FLT1: variants seen among roughly 807,000 people sequenced by gnomAD.
The protein encoded by FLT1 is vascular endothelial growth factor receptor 1.
A neutral mutation model predicts 156.3 loss-of-function variants in FLT1; 49 were observed. That is an observed-to-expected ratio of 0.31 (90% CI 0.25 to 0.40). The LOEUF (loss-of-function observed/expected upper bound fraction) is 0.40. FLT1 is among the 10% of genes least tolerant of loss of function. The pLI, the probability that FLT1 is intolerant of heterozygous loss-of-function variation, is 1.00. For missense variants in FLT1, 1,322 were observed against 1,637.2 expected (o/e 0.81, Z 3.32); for synonymous variants, 594 against 583.8 (o/e 1.02, Z -0.25).
At chr13:28,381,284 C>A (rs183919266) in intron 14 of FLT1, among the ~76,000 whole-genome samples, 4 of 152,270 alleles carry the variant, frequency 2.6e-5, no homozygotes, top group Admixed American at 2.6e-4. Context: ...TGGCCCTGTG[C>A]GGTGGGTCAC....
intron 13 of FLT1, chr13:28,388,558 A>T: frequency 9.5e-7 from 1 of 1,050,702 alleles, no homozygotes; most frequent in Non-Finnish European, 1.1e-6. Flanking sequence ...ATTTTCCCTC[A>T]AACGCAAGCT....
chr13:28,353,789 G>A (rs534280932), intron 15 of FLT1, among the ~76,000 whole-genome samples: 4 of 152,158 alleles, frequency 2.6e-5, no homozygotes, highest in South Asian at 2.1e-4. Flanking sequence ...ATGTGCCCTC[G>A]TGCTGGCACT....
intron 3 of FLT1, among the ~76,000 whole-genome samples, chr13:28,449,504 A>G (rs1878802473): frequency 6.6e-6 from 1 of 152,192 alleles, no homozygotes; most frequent in African/African-American, 2.4e-5. Context: ...AACTGTCGCC[A>G]CTATTGGTGG....
At chr13:28,317,405 G>A (rs1871252038) in intron 25 of FLT1, 93 bp downstream of exon 25, 9 of 847,718 alleles carry the variant, frequency 1.1e-5, no homozygotes, top group East Asian at 9.7e-5. Flanking sequence ...TTCCAAGACT[G>A]GGACTCTAAG....
intron 3 of FLT1, among the ~76,000 whole-genome samples, chr13:28,443,763 A>ACT (rs1878459634): frequency 1.3e-5 from 2 of 152,248 alleles, no homozygotes; most frequent in African/African-American, 4.8e-5. Context: ...AGGAGAATGT[A>ACT]CTGATTGGTA....
chr13:28,436,816 T>C (rs1374428094), intron 4 of FLT1, among the ~76,000 whole-genome samples: 1 of 152,206 alleles, frequency 6.6e-6, no homozygotes, highest in Non-Finnish European at 1.5e-5. Context: ...TTTCCATATA[T>C]CACCTGACTT....
chr13:28,416,891 T>C (rs900979956), intron 10 of FLT1, among the ~76,000 whole-genome samples: 1 of 152,198 alleles, frequency 6.6e-6, no homozygotes, highest in African/African-American at 2.4e-5. Context: ...ACAAGGCAAA[T>C]GGAACATTAA....
chr13:28,469,495 G>C (rs962595853), intron 1 of FLT1, among the ~76,000 whole-genome samples: 2 of 152,136 alleles, frequency 1.3e-5, no homozygotes, highest in African/African-American at 4.8e-5. Context: ...TGCTCCTCAG[G>C]CTCCTCGTGA....
chr13:28,370,806 A>G (rs1431509304), intron 14 of FLT1, among the ~76,000 whole-genome samples: 1 of 152,242 alleles, frequency 6.6e-6, no homozygotes, highest in Non-Finnish European at 1.5e-5. Flanking sequence ...TGCTATGTTC[A>G]GATTGGCCAT....
At chr13:28,393,236 C>T (rs567477050) in intron 12 of FLT1, among the ~76,000 whole-genome samples, 15 of 152,140 alleles carry the variant, frequency 9.9e-5, no homozygotes, top group East Asian at 9.7e-4. Context: ...CAGGGTTAGA[C>T]GAAAGTGTCA....
Position 28,494,855 on chromosome 13 carries a change from C to G in FLT1, c.-12G>C. 5 of 1,542,468 alleles carry G rather than the reference C, an allele frequency of 3.2e-6. No homozygotes were observed. Among genetic ancestry groups the G allele is most frequent in the Non-Finnish European group, 4.3e-6 (5 of 1,150,498 alleles). ...CAGTAGCTGACCATGGTGAGCGCGA[C>G]GCGGCCTGCTCGCCCGGTGCCCGCG... On this transcript the variant is annotated 5_prime_UTR_variant, in exon 1 of 30. Transcript: ENST00000282397.
At chr13:28,437,189 A>T (rs1442605071) in intron 4 of FLT1, among the ~76,000 whole-genome samples, 1 of 152,078 alleles carries the variant, frequency 6.6e-6, no homozygotes, top group Non-Finnish European at 1.5e-5. Context: ...ATGACTTTCT[A>T]TTTCCTGGCG....
chr13:28,332,701 T>C (rs1871977905), intron 18 of FLT1, among the ~76,000 whole-genome samples: 1 of 152,204 alleles, frequency 6.6e-6, no homozygotes, highest in African/African-American at 2.4e-5. Context: ...GCAGAGGCTA[T>C]TTAACCTTTC....
At chr13:28,400,183 TC>T in intron 11 of FLT1, among the ~76,000 whole-genome samples, 2 of 152,344 alleles carry the variant, frequency 1.3e-5, no homozygotes, top group Middle Eastern at 6.8e-3. Context: ...ATTGAATTTT[TC>T]CTTGAGAATA....
chr13:28,438,612 G>A (rs1038345621), intron 3 of FLT1, among the ~76,000 whole-genome samples: 1 of 152,178 alleles, frequency 6.6e-6, no homozygotes, highest in African/African-American at 2.4e-5. Context: ...ATGTGGTATG[G>A]GGGGACCACT....
At chr13:28,479,541 C>T (rs1038261064) in intron 1 of FLT1, among the ~76,000 whole-genome samples, 1 of 152,108 alleles carries the variant, frequency 6.6e-6, no homozygotes, top group Admixed American at 6.5e-5. Flanking sequence ...AGATGGAATT[C>T]ATGTTATACA....
intron 1 of FLT1, among the ~76,000 whole-genome samples, chr13:28,492,354 A>C (rs1431160504): frequency 6.6e-6 from 1 of 152,228 alleles, no homozygotes; most frequent in East Asian, 1.9e-4. Context: ...GTGATACCTT[A>C]AAAGTAAGAA....
chr13:28,426,160 C>G (rs1282422235), intron 10 of FLT1, among the ~76,000 whole-genome samples: 1 of 133,938 alleles, frequency 7.5e-6, no homozygotes, highest in East Asian at 2.2e-4. Flanking sequence ...GAATAACAAT[C>G]CTCCTGAACA....
At chr13:28,492,809 CAG>C (rs1266633357) in intron 1 of FLT1, among the ~76,000 whole-genome samples, 2 of 152,146 alleles carry the variant, frequency 1.3e-5, no homozygotes, top group African/African-American at 4.8e-5. Context: ...GTTAACCAGA[CAG>C]AGAAACTATG....
Sources: gnomAD v4.1 joint callset for allele counts (sites outside exome capture counted in the v4.1 genomes callset) on GRCh38, gnomAD v4.1.1 for gene constraint, MANE v1.5 for transcripts, NCBI Gene and HGNC (gene_info 2026-07-23, HGNC 2026-07-21) for gene names.